Variants in NAV2 observed in about 807,000 individuals in gnomAD.
The protein encoded by NAV2 is neuron navigator 2, also known as helicase, APC down-regulated 1.
NAV2 carries 54 observed loss-of-function variants against 223.2 expected under a neutral mutation model. That is an observed-to-expected ratio of 0.24 (90% CI 0.19 to 0.30). The LOEUF is 0.30. Among genes scored for constraint, NAV2 ranks in the 10% least tolerant of loss-of-function variants. The probability of loss-of-function intolerance (pLI) is 1.00; values close to 1 mark genes in which losing one functional copy is unlikely to be tolerated. For missense variants in NAV2, 2,806 were observed against 3,147.5 expected (o/e 0.89, Z 2.60); for synonymous variants, 1,279 against 1,239.3 (o/e 1.03, Z -0.67).
intron 1 of NAV2, among the ~76,000 whole-genome samples, chr11:19,761,854 T>C (rs533389900): frequency 2.5e-4 from 38 of 152,362 alleles, no homozygotes; most frequent in Non-Finnish European, 4.4e-4. Context: ...TTTCTTTTCA[T>C]GTTCATTACC....
intron 22 of NAV2, among the ~76,000 whole-genome samples, chr11:20,071,232 G>A (rs996352731): frequency 1.1e-4 from 16 of 151,568 alleles, no homozygotes; most frequent in Non-Finnish European, 2.1e-4. Context: ...TGGTTCTTGT[G>A]TTAGTTTGCT....
At chr11:19,551,661 A>C (rs1312950539) in intron 1 of NAV2, among the ~76,000 whole-genome samples, 1 of 152,234 alleles carries the variant, frequency 6.6e-6, no homozygotes, top group Non-Finnish European at 1.5e-5. Flanking sequence ...AAAACAGAAT[A>C]AGAAACTGTG....
chr11:19,416,871 G>T (rs531132901), intron 1 of NAV2, among the ~76,000 whole-genome samples: 2 of 152,164 alleles, frequency 1.3e-5, no homozygotes, highest in Non-Finnish European at 2.9e-5. Flanking sequence ...AATAAATGGT[G>T]TTGGGAAAAC....
chr11:20,110,406 T>G (rs1279698161), intron 36 of NAV2, among the ~76,000 whole-genome samples: 2 of 152,180 alleles, frequency 1.3e-5, no homozygotes, highest in Non-Finnish European at 2.9e-5. Context: ...TGATGTTTTT[T>G]GAGGGCCTGC....
In NAV2 at chr11:19,892,465, G is replaced by A; in HGVS notation, c.802G>A (p.Ala268Thr). 2 of 1,614,120 alleles carry A rather than the reference G, an allele frequency of 1.2e-6. No homozygotes were observed. The highest frequency in any genetic ancestry group is 2.2e-5 in the East Asian group (1 of 44,878). ...LPGPTARVSA[A>T]GSEAKTRGGS... ...AGGTCCTACCGCGAGGGTATCCGCT[G>A]CAGGCAGCGAGGCCAAAACACGCGG... Residue 268 changes from alanine to threonine, a missense_variant, in exon 6 of 38, where the codon GCA (alanine) becomes ACA (threonine). Ala to Thr is a moderately conservative substitution (Grantham distance 58, BLOSUM62 0). Coordinates refer to ENST00000349880, the MANE Select transcript of NAV2 (RefSeq NM_145117.5).
intron 1 of NAV2, among the ~76,000 whole-genome samples, chr11:19,496,163 T>C (rs1029689626): frequency 2.0e-5 from 3 of 152,244 alleles, no homozygotes; most frequent in African/African-American, 4.8e-5. Flanking sequence ...TTTCTCAAGA[T>C]ATTTTTCTCT....
chr11:19,865,547 C>T (rs1590958819), intron 3 of NAV2, among the ~76,000 whole-genome samples: 2 of 152,038 alleles, frequency 1.3e-5, no homozygotes, highest in Non-Finnish European at 1.5e-5. Flanking sequence ...GGGTCTCGGC[C>T]GCCTTGTCAG....
chr11:19,425,984 G>A (rs1850811269), intron 1 of NAV2, among the ~76,000 whole-genome samples: 1 of 152,152 alleles, frequency 6.6e-6, no homozygotes, highest in Non-Finnish European at 1.5e-5. Context: ...GAAGTAGATG[G>A]TATTTGAGTT....
intron 11 of NAV2, among the ~76,000 whole-genome samples, chr11:20,014,521 A>G (rs1837972): frequency 1 from 151,966 of 152,314 alleles, 75,813 homozygotes; most frequent in Middle Eastern, 1. Flanking sequence ...TTGGGAGGCC[A>G]GGGTGAGAGG....
chr11:20,095,942 G>A (rs1310158101), intron 30 of NAV2, among the ~76,000 whole-genome samples, 175 bp downstream of exon 30: 1 of 152,192 alleles, frequency 6.6e-6, no homozygotes, highest in Non-Finnish European at 1.5e-5. Flanking sequence ...GAAGGACAAT[G>A]GTAAGTACAG....
At chr11:19,678,345 C>A (rs1590076061) in intron 1 of NAV2, among the ~76,000 whole-genome samples, 1 of 152,144 alleles carries the variant, frequency 6.6e-6, no homozygotes, top group Non-Finnish European at 1.5e-5. Context: ...ACTTGCCTAG[C>A]CTAGTCAGTG....
chr11:20,050,317 A>G (rs763758822), intron 16 of NAV2, among the ~76,000 whole-genome samples: 13 of 151,796 alleles, frequency 8.6e-5, no homozygotes, highest in Non-Finnish European at 1.8e-4. Flanking sequence ...ACCCCTCCCC[A>G]TGCAGCTGCC....
chr11:20,091,334 C>T (rs2060833828), intron 27 of NAV2, among the ~76,000 whole-genome samples: 1 of 152,194 alleles, frequency 6.6e-6, no homozygotes, highest in Non-Finnish European at 1.5e-5. Context: ...CACCACCCTC[C>T]CCAGCTCCTC....
At chr11:19,498,848 G>C (rs1380686879) in intron 1 of NAV2, among the ~76,000 whole-genome samples, 1 of 152,200 alleles carries the variant, frequency 6.6e-6, no homozygotes, top group Non-Finnish European at 1.5e-5. Flanking sequence ...ATCATAATCA[G>C]ATGTACAAAG....
intron 19 of NAV2, among the ~76,000 whole-genome samples, chr11:20,060,270 A>G (rs1394137211): frequency 6.6e-6 from 1 of 152,258 alleles, no homozygotes; most frequent in East Asian, 1.9e-4. Flanking sequence ...GTGTGTGGCT[A>G]TGTGTTACAC....
At chr11:19,769,642 G>A (rs2055546669) in intron 1 of NAV2, among the ~76,000 whole-genome samples, 1 of 152,176 alleles carries the variant, frequency 6.6e-6, no homozygotes. Flanking sequence ...GTGTATGTGT[G>A]CTTGCAAACA....
At chr11:19,594,347 T>C (rs1461766890) in intron 1 of NAV2, among the ~76,000 whole-genome samples, 1 of 152,150 alleles carries the variant, frequency 6.6e-6, no homozygotes, top group Non-Finnish European at 1.5e-5. Context: ...TCTTTGAAAA[T>C]TGTGTCTCTT....
At position 19,615,770 on chromosome 11, in the gene NAV2, C is replaced by T. The variant is rs182977839; in HGVS notation, c.76-216714C>T. On this transcript the variant is annotated intron_variant, in intron 1 of 37. Coordinates refer to the NAV2 transcript ENST00000360655. ...CGTAGCAGCCTCCATTTATTGAGAG[C>T]GTGTGATGTGCTAGCACCCTGCTCC... Among the ~76,000 whole-genome samples the T allele has an allele frequency of 2.0e-4, 31 of 152,236 alleles. No individual in the cohort carries two copies. In the East Asian group the frequency reaches 6.0e-3, roughly 30 times the overall value.
intron 1 of NAV2, among the ~76,000 whole-genome samples, chr11:19,761,809 G>A (rs1035114426): frequency 7.2e-5 from 11 of 152,162 alleles, no homozygotes; most frequent in Admixed American, 1.3e-4. Flanking sequence ...GAGTTCTGTT[G>A]GTTCATGCTC....
Sources: gnomAD v4.1 joint callset for allele counts (sites outside exome capture counted in the v4.1 genomes callset) on GRCh38, gnomAD v4.1.1 for gene constraint, MANE v1.5 for transcripts, NCBI Gene and HGNC (gene_info 2026-07-23, HGNC 2026-07-21) for gene names.